GDPD5: variants seen among roughly 807,000 people sequenced by gnomAD.
GDPD5 encodes the protein glycerophosphodiester phosphodiesterase 2.
A neutral mutation model predicts 75.1 loss-of-function variants in GDPD5; 48 were observed. The observed-to-expected ratio is 0.64, with a 90% CI of 0.51 to 0.81. The LOEUF is 0.81. GDPD5 is among the 40% of genes least tolerant of loss of function. The probability of loss-of-function intolerance (pLI) is 0.00; values close to 1 mark genes in which losing one functional copy is unlikely to be tolerated. For missense variants in GDPD5, 706 were observed against 822.6 expected, an observed-to-expected ratio of 0.86 and a Z score of 1.73; for synonymous variants, 336 against 339.0, an observed-to-expected ratio of 0.99 and a Z score of 0.10.
chr11:75,494,527 G>A (rs924949817), intron 1 of GDPD5, among the ~76,000 whole-genome samples: 8 of 152,018 alleles, frequency 5.3e-5, no homozygotes, highest in African/African-American at 1.7e-4. Context: ...TTCATTTTTA[G>A]TTATTCCATA....
At chr11:75,475,819 C>T (rs183031832) in intron 3 of GDPD5, among the ~76,000 whole-genome samples, 130 of 152,344 alleles carry the variant, frequency 8.5e-4, no homozygotes, top group African/African-American at 3.0e-3. Flanking sequence ...CCAGCCTTGG[C>T]CCCAGACCCC....
At chr11:75,471,198 AG>A (rs1335227831) in intron 3 of GDPD5, among the ~76,000 whole-genome samples, 1 of 152,216 alleles carries the variant, frequency 6.6e-6, no homozygotes, top group Non-Finnish European at 1.5e-5. Flanking sequence ...TCAGCTGGAA[AG>A]GGTGCAGGGA....
intron 2 of GDPD5, among the ~76,000 whole-genome samples, chr11:75,487,360 TAA>T (rs1950037819): frequency 2.0e-5 from 3 of 152,166 alleles, no homozygotes; most frequent in African/African-American, 7.2e-5. Context: ...GAAGGAATTC[TAA>T]GTCACAGGGG....
Position 75,444,480 on chromosome 11 carries a change from T to C in GDPD5, c.730A>G (p.Thr244Ala). The C allele has an allele frequency of 1.2e-6, 2 of 1,613,592 alleles. No homozygotes were observed. The highest frequency in any genetic ancestry group is 1.7e-6 in the Non-Finnish European group (2 of 1,179,758). The change falls in exon 10 of 17, where the codon ACG (threonine) becomes GCG (alanine). Residue 244 changes from threonine to alanine, a missense_variant. Physicochemically the swap from Thr to Ala is moderately conservative, Grantham distance 58. Transcript: ENST00000336898. The stretch of plus-strand genomic sequence containing the variant: ...AGGGCCTTCCGGAAGGACATGAGCG[T>C]GTGCTCTGGAGCCAGCTGGGGAAGA... ...RGAPMLAPEH[T>A]LMSFRKALEQ...
intron 2 of GDPD5, among the ~76,000 whole-genome samples, chr11:75,483,486 C>T (rs539208972): frequency 3.4e-4 from 52 of 152,284 alleles, no homozygotes; most frequent in Admixed American, 1.3e-3. Context: ...GCCAGGCCCA[C>T]GCTGTGCCCC....
At chr11:75,524,118 T>C (rs764058316) in intron 1 of GDPD5, among the ~76,000 whole-genome samples, 13 of 152,258 alleles carry the variant, frequency 8.5e-5, no homozygotes, top group Non-Finnish European at 1.8e-4. Flanking sequence ...CCTGGGACTG[T>C]GCCCCAGCCC....
chr11:75,444,062 G>A (rs1312280623), intron 10 of GDPD5, among the ~76,000 whole-genome samples: 1 of 152,176 alleles, frequency 6.6e-6, no homozygotes, highest in Non-Finnish European at 1.5e-5. Flanking sequence ...TGGAGAAAGT[G>A]TATATGTCAC....
Position 75,456,824 on chromosome 11 carries a change from G to A in GDPD5, c.316-8C>T. The A allele has an allele frequency of 1.9e-6, 3 of 1,614,038 alleles. No individual in the cohort carries two copies. The highest frequency in any genetic ancestry group is 2.5e-6 in the Non-Finnish European group (3 of 1,179,854). ...GTGACATAGTGCCAGGACCTGAGGA[G>A]GGACCCACAGGGTGATTGTCAGGCC... On this transcript the variant is annotated splice_region_variant and splice_polypyrimidine_tract_variant and intron_variant, in intron 5 of 16. Transcript: ENST00000336898.
intron 6 of GDPD5, among the ~76,000 whole-genome samples, chr11:75,456,136 C>CG (rs1242544994): frequency 4.6e-5 from 7 of 152,028 alleles, no homozygotes; most frequent in African/African-American, 1.4e-4. Context: ...AAGTGCTAAA[C>CG]GGGGGAAGGA....
In GDPD5 at chr11:75,466,263, T is replaced by C. The variant is rs143833442; in HGVS notation, c.118-3374A>G. ...GAAGCCGGAGGCCACAGTGAGCCTG[T>C]AGATGGGGATGAAGAGGCCCCAGCA... is the stretch of plus-strand genomic sequence containing the variant. On this transcript the variant is annotated intron_variant, in intron 3 of 16. Coordinates refer to ENST00000336898, the MANE Select transcript of GDPD5 (RefSeq NM_030792.8). 4.8e-3 allele frequency among the ~76,000 whole-genome samples: 733 copies of C among 152,074 alleles called. 6 individuals are homozygous for C. Among genetic ancestry groups the C allele is most frequent in the South Asian group, 8.9e-3 (43 of 4,812 alleles).
chr11:75,521,715 G>C (rs76226698), intron 1 of GDPD5, among the ~76,000 whole-genome samples: 2,521 of 152,322 alleles, frequency 0.017, 34 homozygotes, highest in Non-Finnish European at 0.026. Flanking sequence ...GAATGTTTCT[G>C]AGGGAATTTA....
At chr11:75,457,192 C>T (rs1198528699) in intron 5 of GDPD5, among the ~76,000 whole-genome samples, 1 of 152,238 alleles carries the variant, frequency 6.6e-6, no homozygotes, top group Non-Finnish European at 1.5e-5. Context: ...CATGGGGGAT[C>T]CACCTGCATC....
Position 75,443,242 on chromosome 11 carries a change from C to T in GDPD5, c.842G>A (p.Arg281His), listed in dbSNP as rs755062257. The T allele has an allele frequency of 8.7e-6, 14 of 1,609,464 alleles. No homozygotes were observed. The highest frequency in any genetic ancestry group is 4.0e-5 in the African/African-American group (3 of 74,898). The change falls in exon 11 of 17, where the codon CGC becomes CAC. Residue 281 changes from arginine (R) to histidine (H), a missense_variant. Physicochemically the swap from Arg to His is conservative, Grantham distance 29 (BLOSUM62 0). Coordinates refer to ENST00000336898, the MANE Select transcript of GDPD5 (RefSeq NM_030792.8). The part of the protein sequence containing the change: ...PFLMHDTTLR[R>H]TTNVEEEFPE... Reference sequence around the variant, plus strand: ...GAACTCCTCCTCCACGTTGGTGGTGCGCCGCAGGGTGGTGTCATGCATGAG... The same window carrying T: ...GAACTCCTCCTCCACGTTGGTGGTGTGCCGCAGGGTGGTGTCATGCATGAG...
chr11:75,467,686 G>A lies in GDPD5; in HGVS notation c.118-4797C>T, dbSNP rs796947486. Among the ~76,000 whole-genome samples, 16 of 152,168 alleles carry A rather than the reference G, an allele frequency of 1.1e-4. 1 individual carries two copies. The highest frequency in any genetic ancestry group is 3.9e-4 in the African/African-American group (16 of 41,484). On this transcript the variant is annotated intron_variant, in intron 3 of 16. Coordinates refer to ENST00000336898, the MANE Select transcript of GDPD5 (RefSeq NM_030792.8). ...CAGGAGTGGCCCCTGGCTGTGGATGGGGTAGGATGCTGATTCCTGCCCGAG... is the reference window on the plus strand; with the variant it reads ...CAGGAGTGGCCCCTGGCTGTGGATGAGGTAGGATGCTGATTCCTGCCCGAG...
intron 3 of GDPD5, among the ~76,000 whole-genome samples, chr11:75,473,961 G>T (rs560124350): frequency 6.6e-6 from 1 of 152,178 alleles, no homozygotes; most frequent in Non-Finnish European, 1.5e-5. Flanking sequence ...TTCAAGGGAG[G>T]GGAAAACCAG....
At chr11:75,473,806 T>C (rs1790152) in intron 3 of GDPD5, among the ~76,000 whole-genome samples, 104,616 of 152,014 alleles carry the variant, frequency 0.69, 36,542 homozygotes, top group East Asian at 0.96. Flanking sequence ...CCCTGGTCTG[T>C]GGAGATGGGG....
intron 1 of GDPD5, among the ~76,000 whole-genome samples, chr11:75,516,609 G>A (rs1464233758): frequency 1.4e-4 from 22 of 152,196 alleles, no homozygotes; most frequent in Admixed American, 9.8e-4. Flanking sequence ...GACAGGGAGC[G>A]TGGACCAGCC....
At chr11:75,482,658 G>A (rs1447821378) in intron 2 of GDPD5, among the ~76,000 whole-genome samples, 2 of 152,158 alleles carry the variant, frequency 1.3e-5, no homozygotes, top group Admixed American at 1.3e-4. Flanking sequence ...TTCCTAACAG[G>A]CAGTGACCGG....
intron 3 of GDPD5, among the ~76,000 whole-genome samples, chr11:75,475,663 G>A (rs552983629): frequency 1.3e-5 from 2 of 152,306 alleles, no homozygotes; most frequent in Admixed American, 6.5e-5. Context: ...AGAAAGGGGC[G>A]GGGGAGCAGA....
Sources: gnomAD v4.1 joint callset for allele counts (sites outside exome capture counted in the v4.1 genomes callset) on GRCh38, gnomAD v4.1.1 for gene constraint, MANE v1.5 for transcripts, NCBI Gene and HGNC (gene_info 2026-07-23, HGNC 2026-07-21) for gene names.